Variants in ZCCHC14 observed in about 807,000 individuals in gnomAD.
The protein encoded by ZCCHC14 is zinc finger CCHC domain-containing protein 14.
Under a neutral mutation model 85.0 loss-of-function variants are expected in ZCCHC14, and 16 were observed. That is an observed-to-expected ratio of 0.19 (90% confidence interval 0.13 to 0.29). ZCCHC14 has a LOEUF of 0.29. ZCCHC14 is among the 10% of genes least tolerant of loss of function. ZCCHC14 has a pLI of 1.00. For synonymous variants in ZCCHC14, 775 were observed against 630.7 expected (o/e 1.23, Z -3.43); for missense variants, 1,303 against 1,443.5 (o/e 0.90, Z 1.58).
chr16:87,473,638 C>T (rs144239596), intron 1 of ZCCHC14: 29 of 152,304 alleles, frequency 1.9e-4, no homozygotes, highest in Admixed American at 7.2e-4. Context: ...AACTAAACTG[C>T]GTTATCATGA....
At position 87,418,891 on chromosome 16, in the gene ZCCHC14, A is replaced by G. The variant is rs753899135; in HGVS notation, c.1056T>C (p.Asn352=). The G allele has an allele frequency of 6.2e-7, 1 of 1,612,678 alleles. No individual in the cohort carries two copies. Among genetic ancestry groups the G allele is most frequent in the South Asian group, 1.1e-5 (1 of 90,976 alleles). ...CGGTACCTACTTTAGAAAGGGAGGG[A>G]TTGCCAGGACCTATAAATTTAAAAA... ...PQQLQSPSPG[N]PSLSKVGTVM... is the part of the protein sequence containing the mutation. The change falls in exon 7 of 13, where the codon AAT becomes AAC. Residue 352 remains asparagine (N), a synonymous_variant. Transcript: ENST00000671377.
At chr16:87,426,802 T>G (rs568546422) in intron 3 of ZCCHC14, among the ~76,000 whole-genome samples, 1 of 152,186 alleles carries the variant, frequency 6.6e-6, no homozygotes, top group Non-Finnish European at 1.5e-5. Flanking sequence ...GCGTGGACTC[T>G]AAGAAAACTA....
At chr16:87,441,022 G>T (rs78344681) in intron 2 of ZCCHC14, among the ~76,000 whole-genome samples, 1 of 145,240 alleles carries the variant, frequency 6.9e-6, no homozygotes, top group Non-Finnish European at 1.5e-5. Context: ...TTTTTTTTTG[G>T]AGATAGAGTT....
At chr16:87,463,758 G>A (rs1911386990) in intron 1 of ZCCHC14, among the ~76,000 whole-genome samples, 1 of 152,172 alleles carries the variant, frequency 6.6e-6, no homozygotes, top group African/African-American at 2.4e-5. Flanking sequence ...GGGAGGTGGA[G>A]GTTGCAGTGA....
At chr16:87,462,341 A>G (rs773456309) in intron 1 of ZCCHC14, among the ~76,000 whole-genome samples, 1 of 152,232 alleles carries the variant, frequency 6.6e-6, no homozygotes, top group Non-Finnish European at 1.5e-5. Context: ...AGATAATAGA[A>G]CCGATACAAG....
At chr16:87,488,905 G>T (rs952552182) in intron 1 of ZCCHC14, among the ~76,000 whole-genome samples, 2 of 152,122 alleles carry the variant, frequency 1.3e-5, no homozygotes, top group African/African-American at 2.4e-5. Context: ...ATTGGATAAA[G>T]AATTTAAAAA....
chr16:87,455,287 C>CCCCTT (rs1910901315), intron 2 of ZCCHC14, among the ~76,000 whole-genome samples: 2 of 150,612 alleles, frequency 1.3e-5, no homozygotes, highest in African/African-American at 2.4e-5. Flanking sequence ...AAACTCCGTC[C>CCCCTT]CCCCCCGCCC....
chr16:87,465,016 C>A (rs1469913533), intron 1 of ZCCHC14, among the ~76,000 whole-genome samples: 3 of 152,250 alleles, frequency 2.0e-5, no homozygotes, highest in Admixed American at 1.3e-4. Flanking sequence ...CCCACAAAAA[C>A]CCTCTGCCTG....
chr16:87,414,389 A>G, intron 10 of ZCCHC14, 25 bp downstream of exon 10: 1 of 1,611,994 alleles, frequency 6.2e-7, no homozygotes, highest in Non-Finnish European at 8.5e-7. Flanking sequence ...TGAGTAACCC[A>G]TCTGCCCGAC....
intron 2 of ZCCHC14, among the ~76,000 whole-genome samples, chr16:87,443,829 G>A (rs1160757390): frequency 6.6e-6 from 1 of 152,060 alleles, no homozygotes; most frequent in Non-Finnish European, 1.5e-5. Context: ...TTGAGACCAG[G>A]AGTTCAAGAC....
intron 1 of ZCCHC14, chr16:87,473,205 T>A (rs985710070): frequency 7.2e-6 from 1 of 138,938 alleles, no homozygotes; most frequent in Non-Finnish European, 1.5e-5. Flanking sequence ...TCTACAGGAC[T>A]TTTTTTTTTT....
intron 3 of ZCCHC14, among the ~76,000 whole-genome samples, chr16:87,430,859 T>C (rs1001189050): frequency 6.6e-6 from 1 of 151,532 alleles, no homozygotes; most frequent in Non-Finnish European, 1.5e-5. Context: ...AATAGAAAAA[T>C]CTGGCCAGGT....
rs1301819067 is a variant in ZCCHC14 at position 87,492,836 on chromosome 16, A to C, written c.-598T>G. ...TGGAGGGGGAGGGACGCGCGGCGGGAGGCGCGGAGGGATCCGGCCGGGACT... is the reference window on the plus strand; with the variant it reads ...TGGAGGGGGAGGGACGCGCGGCGGGCGGCGCGGAGGGATCCGGCCGGGACT... On this transcript the variant is annotated 5_prime_UTR_variant, in exon 1 of 13. Coordinates refer to ENST00000671377, the MANE Select transcript of ZCCHC14 (RefSeq NM_015144.3). This position sits in a 1 kb window ranked among gnomAD's most constrained non-coding sequence, Gnocchi z 6.7. Among the ~76,000 whole-genome samples the C allele has an allele frequency of 6.8e-6, 1 of 146,152 alleles. No homozygotes were observed. The highest frequency in any genetic ancestry group is 1.5e-5 in the Non-Finnish European group (1 of 66,018).
At chr16:87,426,065 G>A (rs1409076525) in intron 3 of ZCCHC14, among the ~76,000 whole-genome samples, 1 of 152,214 alleles carries the variant, frequency 6.6e-6, no homozygotes, top group Non-Finnish European at 1.5e-5. Flanking sequence ...AAGGCTATCA[G>A]AAAGTGAGCA....
intron 1 of ZCCHC14, among the ~76,000 whole-genome samples, chr16:87,479,979 T>C (rs1471689892): frequency 6.6e-6 from 1 of 151,994 alleles, no homozygotes; most frequent in Non-Finnish European, 1.5e-5. Flanking sequence ...TTTCGCCATG[T>C]TGCCAGGCTG....
chr16:87,422,995 G>A (rs992897597), intron 4 of ZCCHC14, among the ~76,000 whole-genome samples: 5 of 152,120 alleles, frequency 3.3e-5, no homozygotes, highest in Non-Finnish European at 4.4e-5. Flanking sequence ...ATCAGACATC[G>A]TCCTCACTCC....
intron 1 of ZCCHC14, among the ~76,000 whole-genome samples, chr16:87,477,165 G>GAAAAAAAAAAAAA (rs1912057988): frequency 7.8e-6 from 1 of 128,478 alleles, no homozygotes; most frequent in African/African-American, 3.6e-5. Context: ...AAAAAAAATT[G>GAAAAAAAAAAAAA]AAGTGGTGAA....
chr16:87,491,885 G>T lies in ZCCHC14; in HGVS notation c.354C>A (p.Asn118Lys). The change falls in exon 1 of 13, where the codon AAC becomes AAA. Residue 118 changes from asparagine (N) to lysine (K), a missense_variant. By Grantham distance (94) the Asn-to-Lys change is moderately conservative. Coordinates refer to ENST00000671377, the MANE Select transcript of ZCCHC14 (RefSeq NM_015144.3). The surrounding 1 kb of genome is among the most constrained non-coding windows in gnomAD (Gnocchi z 5.9). ...GGCCCTCGTTAAGCTGCAGCCCGTA[G>T]TTGTGGATGATGGAGTCGATGTGCG... ...TLTHIDSIIH[N>K]YGLQLNEGRT... 1 of 1,544,204 alleles carries T rather than the reference G, an allele frequency of 6.5e-7. No homozygotes were observed. Among genetic ancestry groups the T allele is most frequent in the Admixed American group, 2.2e-5 (1 of 46,478 alleles).
At chr16:87,436,686 AACAACCTGC>A (rs1472465646) in intron 2 of ZCCHC14, among the ~76,000 whole-genome samples, 1 of 152,242 alleles carries the variant, frequency 6.6e-6, no homozygotes, top group African/African-American at 2.4e-5. Context: ...TTACCTATGT[AACAACCTGC>A]ACATCCTGCA....
Sources: allele counts gnomAD v4.1 joint callset (sites outside exome capture counted in the v4.1 genomes callset), GRCh38; gene constraint gnomAD v4.1.1; non-coding constraint Gnocchi (gnomAD v3.1); transcripts MANE v1.5; gene names NCBI Gene and HGNC (gene_info 2026-07-23, HGNC 2026-07-21).